The following XYLB variants were observed in gnomAD, a reference collection of about 807,000 sequenced individuals.
XYLB encodes the protein xylulose kinase.
A neutral mutation model predicts 78.7 loss-of-function variants in XYLB; 62 were observed. The observed-to-expected ratio is 0.79, with a 90% confidence interval of 0.64 to 0.97. The LOEUF (loss-of-function observed/expected upper bound fraction) is 0.97. Ranked by LOEUF, XYLB falls within the 50% of genes least tolerant of loss-of-function variation. The pLI is 0.00. For missense variants in XYLB, 687 were observed against 676.8 expected, an observed-to-expected ratio of 1.02 and a Z score of -0.17; for synonymous variants, 245 against 247.4, an observed-to-expected ratio of 0.99 and a Z score of 0.09.
chr3:38,406,094 C>T (rs566765600), intron 18 of XYLB, among the ~76,000 whole-genome samples: 2 of 152,342 alleles, frequency 1.3e-5, no homozygotes, highest in Non-Finnish European at 2.9e-5. Context: ...CAAGTGGGTC[C>T]CTGACCCCTG....
intron 9 of XYLB, among the ~76,000 whole-genome samples, chr3:38,370,641 G>A (rs919886756): frequency 3.3e-5 from 5 of 152,172 alleles, no homozygotes; most frequent in Admixed American, 6.5e-5. Context: ...TTTGTGTCTC[G>A]GTTTCCTCAT....
intron 18 of XYLB, among the ~76,000 whole-genome samples, chr3:38,409,047 G>T (rs1196068206): frequency 1.3e-5 from 2 of 152,176 alleles, no homozygotes; most frequent in Non-Finnish European, 2.9e-5. Context: ...AAGGCCAGCA[G>T]CATCCTGATA....
At chr3:38,403,255 C>T (rs1708186458) in intron 18 of XYLB, among the ~76,000 whole-genome samples, 1 of 149,478 alleles carries the variant, frequency 6.7e-6, no homozygotes, top group Admixed American at 6.7e-5. Context: ...GATCACACCA[C>T]TGCACTCCAG....
chr3:38,359,384 A>T (rs1037305510), intron 2 of XYLB, among the ~76,000 whole-genome samples: 1 of 152,218 alleles, frequency 6.6e-6, no homozygotes, highest in Non-Finnish European at 1.5e-5. Flanking sequence ...GCCATCGGGA[A>T]CATGTCACAT....
At chr3:38,411,749 G>A (rs1225134212) in intron 18 of XYLB, among the ~76,000 whole-genome samples, 1 of 151,826 alleles carries the variant, frequency 6.6e-6, no homozygotes, top group Admixed American at 6.6e-5. Flanking sequence ...GACTATCAAC[G>A]GTTTTACTAG....
In XYLB at chr3:38,414,960, C is replaced by A. The variant is rs868011682; in HGVS notation, c.*1947C>A. On this transcript the variant is annotated 3_prime_UTR_variant, in exon 19 of 19. Transcript: ENST00000207870. ...ATTCAAATATTAAAACTCAAATAAA[C>A]CCCAAAGAACTTTTGGAAAACAAAA... is the stretch of plus-strand genomic sequence containing the variant. The A allele has an allele frequency of 3.3e-5, 5 of 152,144 alleles. No homozygotes were observed. Among genetic ancestry groups the A allele is most frequent in the Middle Eastern group, 3.4e-3 (1 of 294 alleles). The allele number at this position is 152,144 out of a possible 1,614,324, so 9.4% of individuals were successfully genotyped here. A position where few individuals can be genotyped will look rare whatever the true frequency, so the allele number is the denominator to read the frequency against.
chr3:38,370,674 A>G (rs1042006120), intron 9 of XYLB, among the ~76,000 whole-genome samples: 1 of 152,190 alleles, frequency 6.6e-6, no homozygotes, highest in African/African-American at 2.4e-5. Flanking sequence ...GAATGATGCT[A>G]TTCATCTTAC....
In XYLB at chr3:38,365,646, C is replaced by T. The variant is rs151611; in HGVS notation, c.417C>T (p.Asp139=). ...TCAGCGACTGCCCGGTGTGGATGGA[C>T]TCCAGCACCACAGCCCAGTGCCGCC... ...FSISDCPVWM[D]SSTTAQCRQL... Residue 139 remains aspartate (D), a synonymous_variant, in exon 6 of 19, where the codon GAC becomes GAT. Transcript: ENST00000207870. The T allele has an allele frequency of 6.2e-7, 1 of 1,613,990 alleles. No individual in the cohort carries two copies. Among genetic ancestry groups the T allele is most frequent in the East Asian group, 2.2e-5 (1 of 44,888 alleles).
At chr3:38,351,780 T>A (rs1705378093) in intron 2 of XYLB, among the ~76,000 whole-genome samples, 1 of 152,240 alleles carries the variant, frequency 6.6e-6, no homozygotes, top group Non-Finnish European at 1.5e-5. Context: ...TTATGTATGC[T>A]TTTTTAAAAC....
intron 2 of XYLB, among the ~76,000 whole-genome samples, chr3:38,353,704 T>C (rs1211788773): frequency 6.6e-6 from 1 of 151,960 alleles, no homozygotes; most frequent in Non-Finnish European, 1.5e-5. Flanking sequence ...CTGGCTAACA[T>C]GGTGAAACCC....
chr3:38,450,381 C>T, the XYLB span, among the ~76,000 whole-genome samples: 11 of 152,180 alleles, frequency 7.2e-5, no homozygotes, highest in Admixed American at 7.2e-4. Flanking sequence ...AGTTTTCCAT[C>T]TTCTTCCATA....
At chr3:38,355,319 G>A (rs1258577841) in intron 2 of XYLB, among the ~76,000 whole-genome samples, 1 of 152,218 alleles carries the variant, frequency 6.6e-6, no homozygotes, top group Non-Finnish European at 1.5e-5. Context: ...ATGAAGCAGA[G>A]CCTTCTAGCT....
At chr3:38,370,262 A>ACACACACACACG (rs1232993154) in intron 9 of XYLB, 88 bp downstream of exon 9, 1 of 891,816 alleles carries the variant, frequency 1.1e-6, no homozygotes, top group East Asian at 2.4e-5. Flanking sequence ...ACACACACAC[A>ACACACACACACG]CACACTCTGC....
At chr3:38,358,354 TG>T (rs1559575764) in intron 2 of XYLB, among the ~76,000 whole-genome samples, 1,355 of 99,330 alleles carry the variant, frequency 0.014, 33 homozygotes, top group African/African-American at 0.043. Context: ...TGTGTGTGTG[TG>T]TGTTTGAGAC....
chr3:38,372,712 G>T lies in XYLB; in HGVS notation c.823G>T (p.Val275Leu). 6.2e-7 allele frequency: 1 copy of T among 1,614,118 alleles called. No homozygotes were observed. Among genetic ancestry groups the T allele is most frequent in the Non-Finnish European group, 8.5e-7 (1 of 1,180,028 alleles). The change falls in exon 10 of 19, where the codon GTG becomes TTG. Residue 275 changes from valine (V) to leucine (L), a missense_variant. By Grantham distance (32) the Val-to-Leu change is conservative (BLOSUM62 1). Transcript: ENST00000207870. ...RYGFPPGCKVVAFTGDNPASL... is the reference protein window; with the variant it reads ...RYGFPPGCKVLAFTGDNPASL... Reference sequence around the variant, plus strand: ...CGGATTTCCTCCAGGATGCAAAGTGGTGGCCTTCACTGGGGACAACCCAGG... The same window carrying T: ...CGGATTTCCTCCAGGATGCAAAGTGTTGGCCTTCACTGGGGACAACCCAGG...
At chr3:38,377,229 A>G (rs928197399) in intron 14 of XYLB, among the ~76,000 whole-genome samples, 1 of 151,692 alleles carries the variant, frequency 6.6e-6, no homozygotes, top group African/African-American at 2.4e-5. Context: ...TTCTCTTCCT[A>G]TTTAACAAAT....
At chr3:38,385,143 G>GCCATACCAC (rs1303298702) in intron 15 of XYLB, among the ~76,000 whole-genome samples, 1 of 152,100 alleles carries the variant, frequency 6.6e-6, no homozygotes, top group Non-Finnish European at 1.5e-5. Context: ...TGGGATTACA[G>GCCATACCAC]GTGCGCGCCA....
chr3:38,409,830 C>T (rs1329793802), intron 18 of XYLB, among the ~76,000 whole-genome samples: 1 of 152,016 alleles, frequency 6.6e-6, no homozygotes, highest in African/African-American at 2.4e-5. Flanking sequence ...TTACAAGGGA[C>T]ATGAAGGACC....
chr3:38,431,557 G>A, the XYLB span, among the ~76,000 whole-genome samples: 1 of 152,174 alleles, frequency 6.6e-6, no homozygotes, highest in Non-Finnish European at 1.5e-5. Context: ...TCTCTTGCCT[G>A]ATTGCCCTGG....
Sources: gnomAD v4.1 joint callset for allele counts (sites outside exome capture counted in the v4.1 genomes callset) on GRCh38, gnomAD v4.1.1 for gene constraint, MANE v1.5 for transcripts, NCBI Gene and HGNC (gene_info 2026-07-23, HGNC 2026-07-21) for gene names.